Variants in DSCAML1 observed in about 807,000 individuals in gnomAD.
DSCAML1 encodes the protein DS cell adhesion molecule like 1.
Under a neutral mutation model 200.5 loss-of-function variants are expected in DSCAML1, and 38 were observed. That is an observed-to-expected ratio of 0.19 (90% CI 0.15 to 0.25). DSCAML1 has a LOEUF of 0.25. Among genes scored for constraint, DSCAML1 ranks in the 10% least tolerant of loss-of-function variants. The pLI is 1.00. For missense variants in DSCAML1, 2,223 were observed against 2,858.8 expected, an observed-to-expected ratio of 0.78 and a Z score of 5.07; for synonymous variants, 1,215 against 1,165.0, an observed-to-expected ratio of 1.04 and a Z score of -0.87.
chr11:117,800,207 G>C (rs770463407), upstream of DSCAML1, among the ~76,000 whole-genome samples: 2 of 152,198 alleles, frequency 1.3e-5, no homozygotes, highest in South Asian at 4.1e-4. Context: ...TTCGACAGGA[G>C]TTGTATTGGG....
At chr11:117,546,696 G>A (rs748743526) in intron 3 of DSCAML1, among the ~76,000 whole-genome samples, 31 of 152,182 alleles carry the variant, frequency 2.0e-4, no homozygotes, top group Non-Finnish European at 3.5e-4. Context: ...GGGTGCAGAG[G>A]GTGGGGAGCA....
chr11:117,547,875 C>A (rs1423576355), intron 3 of DSCAML1, among the ~76,000 whole-genome samples: 1 of 152,222 alleles, frequency 6.6e-6, no homozygotes, highest in Non-Finnish European at 1.5e-5. Context: ...TCCAGCCACG[C>A]TGGTCCTCCG....
chr11:117,429,427 G>A (rs573661874), intron 32 of DSCAML1, among the ~76,000 whole-genome samples: 2 of 151,950 alleles, frequency 1.3e-5, no homozygotes, highest in African/African-American at 4.8e-5. Flanking sequence ...TTTTTGAGAC[G>A]GAGTCTCGCT....
chr11:117,676,757 TGCTACCCGATGGGACGGCACTGGGA>T (rs1024084654), intron 3 of DSCAML1, among the ~76,000 whole-genome samples: 1 of 152,222 alleles, frequency 6.6e-6, no homozygotes, highest in African/African-American at 2.4e-5. Flanking sequence ...GGCCGCACTC[TGCTACCCGATGGGACGGCACTGGGA>T]GCTGCGGGCT....
At chr11:117,599,029 G>A (rs920338249) in intron 3 of DSCAML1, among the ~76,000 whole-genome samples, 9 of 152,132 alleles carry the variant, frequency 5.9e-5, no homozygotes, top group African/African-American at 1.7e-4. Flanking sequence ...ACAGTAATAC[G>A]GATCTCAACA....
intron 3 of DSCAML1, among the ~76,000 whole-genome samples, chr11:117,596,647 A>C (rs1455841529): frequency 6.6e-6 from 1 of 152,186 alleles, no homozygotes; most frequent in Non-Finnish European, 1.5e-5. Flanking sequence ...ATTCTAGGGG[A>C]AAAGAAGATG....
intron 3 of DSCAML1, among the ~76,000 whole-genome samples, chr11:117,668,299 A>G (rs1048301835): frequency 1.3e-5 from 2 of 152,170 alleles, no homozygotes; most frequent in African/African-American, 2.4e-5. Flanking sequence ...TAGTGATGTC[A>G]TGCCTCCTAT....
intron 24 of DSCAML1, among the ~76,000 whole-genome samples, chr11:117,438,339 T>A (rs2047966943): frequency 6.6e-6 from 1 of 152,046 alleles, no homozygotes; most frequent in African/African-American, 2.4e-5. Context: ...ACGCTGTCAC[T>A]TTGGTTCTAG....
At chr11:117,439,009 T>G in intron 23 of DSCAML1, 26 bp from the exon 24 acceptor site, 2 of 1,584,920 alleles carry the variant, frequency 1.3e-6, no homozygotes, top group Non-Finnish European at 1.7e-6. Context: ...CACCACCCCT[T>G]AGCACAAGGG....
chr11:117,683,199 A>G (rs896807580), intron 3 of DSCAML1, among the ~76,000 whole-genome samples: 4 of 152,232 alleles, frequency 2.6e-5, no homozygotes, highest in Non-Finnish European at 4.4e-5. Context: ...CTGCAGTGTC[A>G]TAAAATGTGA....
intron 3 of DSCAML1, among the ~76,000 whole-genome samples, chr11:117,745,163 G>A (rs1381127843): frequency 8.6e-5 from 13 of 151,972 alleles, no homozygotes; most frequent in African/African-American, 2.9e-4. Context: ...CATCTGGGTG[G>A]GGGGGATGAC....
intron 3 of DSCAML1, among the ~76,000 whole-genome samples, chr11:117,745,902 T>C (rs2054509592): frequency 6.6e-6 from 1 of 152,084 alleles, no homozygotes; most frequent in African/African-American, 2.4e-5. Context: ...TTAATTAACT[T>C]AGGTAAGGTG....
chr11:117,583,311 G>T (rs911742577), intron 3 of DSCAML1, among the ~76,000 whole-genome samples: 2 of 152,048 alleles, frequency 1.3e-5, no homozygotes, highest in Non-Finnish European at 2.9e-5. Context: ...TGCCAGGCAG[G>T]TCTTAAACAT....
rs779205459 is a variant in DSCAML1 at position 117,489,935 on chromosome 11, G to A, written c.2360-7773C>T. Among the ~76,000 whole-genome samples the A allele has an allele frequency of 1.8e-4, 28 of 152,290 alleles. No individual in the cohort carries two copies. Among genetic ancestry groups the A allele is most frequent in the Middle Eastern group, 3.4e-3 (1 of 294 alleles). On this transcript the variant is annotated intron_variant, in intron 11 of 32. Coordinates refer to ENST00000651296, the MANE Select transcript of DSCAML1 (RefSeq NM_020693.4). This position sits in a 1 kb window ranked among gnomAD's most constrained non-coding sequence, Gnocchi z 4.8. ...GAGAGCTTTACTGGGTATCTTTGCC[G>A]TCCTCCTCCAGTGCCCCAGGGCAGC...
intron 27 of DSCAML1, among the ~76,000 whole-genome samples, chr11:117,433,677 C>T (rs543224986): frequency 1.3e-5 from 2 of 152,332 alleles, no homozygotes; most frequent in East Asian, 3.9e-4. Flanking sequence ...GGATTTGGCT[C>T]AAGTCTGTTT....
At chr11:117,511,896 A>C (rs2049626077) in intron 8 of DSCAML1, among the ~76,000 whole-genome samples, 1 of 152,268 alleles carries the variant, frequency 6.6e-6, no homozygotes, top group South Asian at 2.1e-4. Flanking sequence ...AATACGTACC[A>C]GGGTGCACAC....
At chr11:117,757,571 T>TAC (rs1491093522) in intron 3 of DSCAML1, among the ~76,000 whole-genome samples, 1 of 83,530 alleles carries the variant, frequency 1.2e-5, no homozygotes, top group Non-Finnish European at 2.3e-5. Context: ...ATTAGGAGCC[T>TAC]ATACACACAC....
At chr11:117,436,683 A>C (rs888623860) in intron 26 of DSCAML1, among the ~76,000 whole-genome samples, 1 of 152,126 alleles carries the variant, frequency 6.6e-6, no homozygotes, top group African/African-American at 2.4e-5. Flanking sequence ...GCAAGAAACA[A>C]ATCAGTACAG....
intron 3 of DSCAML1, among the ~76,000 whole-genome samples, chr11:117,569,344 G>A (rs1591276518): frequency 6.6e-6 from 1 of 152,314 alleles, no homozygotes; most frequent in East Asian, 1.9e-4. Flanking sequence ...CGAAAGCAAT[G>A]GCAACCAAAG....
Sources: allele counts gnomAD v4.1 joint callset (sites outside exome capture counted in the v4.1 genomes callset), GRCh38; gene constraint gnomAD v4.1.1; non-coding constraint Gnocchi (gnomAD v3.1); transcripts MANE v1.5; gene names NCBI Gene and HGNC (gene_info 2026-07-23, HGNC 2026-07-21).